The following SYNPR variants were observed in gnomAD, a reference collection of about 807,000 sequenced individuals.
The protein encoded by SYNPR is synaptoporin.
A neutral mutation model predicts 32.9 loss-of-function variants in SYNPR; 23 were observed. The ratio of observed to expected loss-of-function variants is 0.70; its 90% CI spans 0.50 to 0.99. SYNPR has a LOEUF of 0.99. SYNPR is among the 50% of genes least tolerant of loss of function. The probability of loss-of-function intolerance (pLI) is 0.00; values close to 1 mark genes in which losing one functional copy is unlikely to be tolerated. For missense variants in SYNPR, 318 were observed against 349.3 expected (o/e 0.91, Z 0.71); for synonymous variants, 146 against 135.9 (o/e 1.07, Z -0.52).
intron 2 of SYNPR, among the ~76,000 whole-genome samples, chr3:63,361,542 G>A (rs976437691): frequency 3.2e-4 from 47 of 149,012 alleles, no homozygotes; most frequent in African/African-American, 1.1e-3. Flanking sequence ...AGCTTGCAGT[G>A]AGCAGAGATT....
chr3:63,431,666 G>A (rs2107145969), intron 2 of SYNPR, among the ~76,000 whole-genome samples: 1 of 151,952 alleles, frequency 6.6e-6, no homozygotes, highest in East Asian at 1.9e-4. Flanking sequence ...GAAAGCACAT[G>A]GCTGCAAAGG....
chr3:63,329,781 A>G (rs1165186213), intron 2 of SYNPR, among the ~76,000 whole-genome samples: 1 of 152,146 alleles, frequency 6.6e-6, no homozygotes, highest in African/African-American at 2.4e-5. Context: ...TAATTCGAGG[A>G]TGAGATCAAT....
intron 1 of SYNPR, among the ~76,000 whole-genome samples, chr3:63,231,947 T>A (rs913762610): frequency 1.3e-5 from 2 of 152,184 alleles, no homozygotes; most frequent in African/African-American, 2.4e-5. Flanking sequence ...TTCTTTTTAA[T>A]CCTGATTTGT....
chr3:63,263,336 TGTAATATCCTTTTCATG>T (rs1296057556), intron 2 of SYNPR, among the ~76,000 whole-genome samples: 1 of 152,210 alleles, frequency 6.6e-6, no homozygotes. Context: ...TTCCCCAAAG[TGTAATATCCTTTTCATG>T]GTTTTCCCTG....
rs528299707 is a variant in SYNPR, at chr3:63,357,772, C to G, written c.84+79030C>G. On this transcript the variant is annotated intron_variant, in intron 2 of 5. Transcript: ENST00000478300. ...CAGATTCAATTAGTCTATTTGAGGC[C>G]CAGGGATCTGCATTTTGATTAGCAT... 6.6e-5 allele frequency among the ~76,000 whole-genome samples: 10 copies of G among 152,180 alleles called. No individual in the cohort carries two copies. In the East Asian group the frequency reaches 1.9e-3, roughly 29 times the overall value.
At chr3:63,509,133 CAT>C (rs1701643874) in intron 3 of SYNPR, among the ~76,000 whole-genome samples, 2 of 151,198 alleles carry the variant, frequency 1.3e-5, no homozygotes, top group Non-Finnish European at 2.9e-5. Context: ...CACACACACA[CAT>C]ATATGTATGG....
In SYNPR at chr3:63,616,079, T is replaced by G. The variant is rs982089747; in HGVS notation, c.*598T>G. 2 of 152,258 alleles carry G rather than the reference T, an allele frequency of 1.3e-5. No homozygotes were observed. Among genetic ancestry groups the G allele is most frequent in the African/African-American group, 4.8e-5 (2 of 41,478 alleles). The allele number at this position is 152,258 out of a possible 1,614,324, so 9.4% of individuals were successfully genotyped here. ...TATGAAAATTTTCTGGTTTGCACCA[T>G]GAATTTGTCAAATGGATATTTATAG... On this transcript the variant is annotated 3_prime_UTR_variant, in exon 6 of 6. Coordinates refer to ENST00000478300, the MANE Select transcript of SYNPR (RefSeq NM_001130003.2).
intron 1 of SYNPR, among the ~76,000 whole-genome samples, chr3:63,229,616 T>C (rs1232813192): frequency 2.0e-5 from 3 of 152,186 alleles, no homozygotes; most frequent in Non-Finnish European, 4.4e-5. Context: ...TTCAAATGTC[T>C]TATGCCTTTA....
intron 2 of SYNPR, among the ~76,000 whole-genome samples, chr3:63,450,525 T>C (rs1700359605): frequency 6.6e-6 from 1 of 152,170 alleles, no homozygotes; most frequent in South Asian, 2.1e-4. Flanking sequence ...GGCTGGCATA[T>C]GGATCTGGCT....
intron 2 of SYNPR, among the ~76,000 whole-genome samples, chr3:63,337,706 C>T (rs1229907089): frequency 6.6e-6 from 1 of 152,176 alleles, no homozygotes; most frequent in African/African-American, 2.4e-5. Flanking sequence ...AATTAAGCCA[C>T]AGAAGACATG....
At chr3:63,498,615 T>G (rs902909250) in intron 3 of SYNPR, among the ~76,000 whole-genome samples, 3 of 152,182 alleles carry the variant, frequency 2.0e-5, no homozygotes, top group African/African-American at 7.2e-5. Flanking sequence ...GAAGAGATTC[T>G]TACAGATGGA....
At chr3:63,609,415 A>G in intron 5 of SYNPR, 99 bp downstream of exon 5, 1 of 1,143,646 alleles carries the variant, frequency 8.7e-7, no homozygotes, top group South Asian at 2.0e-5. Flanking sequence ...ATTGTTGCCT[A>G]CAAAACTAGG....
At chr3:63,518,322 T>C (rs909230441) in intron 3 of SYNPR, among the ~76,000 whole-genome samples, 1 of 152,074 alleles carries the variant, frequency 6.6e-6, no homozygotes, top group African/African-American at 2.4e-5. Flanking sequence ...CGCCAAGCCT[T>C]GAGAGTCCTG....
chr3:63,506,586 C>A (rs1458148883), intron 3 of SYNPR, among the ~76,000 whole-genome samples: 1 of 152,116 alleles, frequency 6.6e-6, no homozygotes, highest in Admixed American at 6.6e-5. Context: ...TCTGAGAAGT[C>A]CTACAGTAGA....
intron 5 of SYNPR, among the ~76,000 whole-genome samples, chr3:63,612,545 C>A (rs139675851): frequency 7.5e-4 from 114 of 152,150 alleles, no homozygotes; most frequent in African/African-American, 2.7e-3. Flanking sequence ...TTCTGTTGTC[C>A]CCAAGTCTGA....
intron 1 of SYNPR, among the ~76,000 whole-genome samples, chr3:63,236,677 T>C (rs1049706188): frequency 1.3e-5 from 2 of 152,200 alleles, no homozygotes; most frequent in African/African-American, 4.8e-5. Flanking sequence ...ATTGTGAGTA[T>C]ATAAAAATGT....
chr3:63,252,014 A>C (rs1431259503), intron 1 of SYNPR, among the ~76,000 whole-genome samples: 4 of 152,070 alleles, frequency 2.6e-5, no homozygotes, highest in African/African-American at 9.7e-5. Context: ...TAATAGATAC[A>C]TAATACTCCA....
At chr3:63,494,424 T>TACGTAC in intron 3 of SYNPR, among the ~76,000 whole-genome samples, 1 of 139,716 alleles carries the variant, frequency 7.2e-6, no homozygotes, top group South Asian at 2.2e-4. Context: ...TATACGTATA[T>TACGTAC]ATATATATAC....
chr3:63,322,868 C>G (rs1001083567), intron 2 of SYNPR, among the ~76,000 whole-genome samples: 24 of 152,160 alleles, frequency 1.6e-4, no homozygotes, highest in African/African-American at 5.5e-4. Flanking sequence ...GAAGAGACTA[C>G]AAAATCAAGA....
Sources: allele counts gnomAD v4.1 joint callset (sites outside exome capture counted in the v4.1 genomes callset), GRCh38; gene constraint gnomAD v4.1.1; transcripts MANE v1.5; gene names NCBI Gene and HGNC (gene_info 2026-07-23, HGNC 2026-07-21).